The following ABTB3 variants were observed in gnomAD, a reference collection of about 807,000 sequenced individuals.
ABTB3 encodes ankyrin repeat and BTB domain containing 3, also known as ankyrin repeat- and BTB/POZ domain-containing protein 3.
the ABTB3 span, among the ~76,000 whole-genome samples, chr12:107,428,311 A>G: frequency 6.6e-6 from 1 of 152,260 alleles, no homozygotes; most frequent in African/African-American, 2.4e-5. Context: ...GCACCATAAC[A>G]TATGCTGCCA....
the ABTB3 span, among the ~76,000 whole-genome samples, chr12:107,558,630 C>T: frequency 3.9e-5 from 6 of 152,116 alleles, no homozygotes; most frequent in South Asian, 6.2e-4. Flanking sequence ...CCACCTCTCC[C>T]GTGAAAGATT....
chr12:107,454,443 G>A, the ABTB3 span, among the ~76,000 whole-genome samples: 6 of 152,306 alleles, frequency 3.9e-5, no homozygotes, highest in East Asian at 1.2e-3. Flanking sequence ...AGGGTTAGGG[G>A]GGTTCATCCA....
the ABTB3 span, among the ~76,000 whole-genome samples, chr12:107,496,669 C>A: frequency 6.6e-6 from 1 of 152,166 alleles, no homozygotes; most frequent in Non-Finnish European, 1.5e-5. Flanking sequence ...GCATCTACTG[C>A]GTGTCAGGCA....
At chr12:107,595,166 T>C in the ABTB3 span, among the ~76,000 whole-genome samples, 1 of 152,240 alleles carries the variant, frequency 6.6e-6, no homozygotes, top group African/African-American at 2.4e-5. Context: ...AATATGACTG[T>C]GACTCAGACA....
the ABTB3 span, among the ~76,000 whole-genome samples, chr12:107,350,658 T>TA: frequency 1.3e-5 from 2 of 152,232 alleles, no homozygotes; most frequent in East Asian, 1.9e-4. Flanking sequence ...GGCTTCACAC[T>TA]AAAAAATTTC....
the ABTB3 span, among the ~76,000 whole-genome samples, chr12:107,535,653 G>A: frequency 1.3e-5 from 2 of 151,948 alleles, no homozygotes; most frequent in African/African-American, 2.4e-5. Context: ...AACCAAGAAA[G>A]CAATCCCATT....
At chr12:107,544,249 C>A in the ABTB3 span, 1 of 1,211,760 alleles carries the variant, frequency 8.3e-7, no homozygotes. Flanking sequence ...CTTCCTAAAA[C>A]TTGCCAGAGT....
At chr12:107,477,243 C>T in the ABTB3 span, among the ~76,000 whole-genome samples, 2 of 152,274 alleles carry the variant, frequency 1.3e-5, no homozygotes, top group East Asian at 1.9e-4. Context: ...CCTGCTGTTG[C>T]CTGTAGCATG....
At chr12:107,539,602 G>A in the ABTB3 span, among the ~76,000 whole-genome samples, 2 of 152,190 alleles carry the variant, frequency 1.3e-5, no homozygotes, top group Non-Finnish European at 2.9e-5. Context: ...GGTGCTCAGC[G>A]TTCAGAATGC....
At chr12:107,511,643 C>T in the ABTB3 span, among the ~76,000 whole-genome samples, 2 of 152,212 alleles carry the variant, frequency 1.3e-5, no homozygotes, top group Non-Finnish European at 2.9e-5. Context: ...GGCACCCTAA[C>T]ATTCCCATCA....
At chr12:107,484,370 A>AAC in the ABTB3 span, among the ~76,000 whole-genome samples, 1 of 152,122 alleles carries the variant, frequency 6.6e-6, no homozygotes, top group Non-Finnish European at 1.5e-5. Context: ...AGGCAGAGGG[A>AAC]TGAGTAGGTG....
the ABTB3 span, among the ~76,000 whole-genome samples, chr12:107,340,294 A>C: frequency 6.6e-6 from 1 of 152,214 alleles, no homozygotes; most frequent in African/African-American, 2.4e-5. Flanking sequence ...TGCTTTTGAC[A>C]TAAAGAAACC....
At chr12:107,403,054 G>A in the ABTB3 span, among the ~76,000 whole-genome samples, 1 of 152,156 alleles carries the variant, frequency 6.6e-6, no homozygotes, top group Non-Finnish European at 1.5e-5. Context: ...TGTGGAGAGG[G>A]CTCCCACAGG....
At chr12:107,557,273 T>A in the ABTB3 span, among the ~76,000 whole-genome samples, 1 of 152,156 alleles carries the variant, frequency 6.6e-6, no homozygotes, top group African/African-American at 2.4e-5. Context: ...GCTACAAACC[T>A]GTCTAGCATG....
the ABTB3 span, among the ~76,000 whole-genome samples, chr12:107,495,577 C>T: frequency 6.6e-6 from 1 of 152,244 alleles, no homozygotes; most frequent in Admixed American, 6.5e-5. Context: ...CTGGCTGCCT[C>T]CTTCCATGCC....
chr12:107,587,701 AT>A, the ABTB3 span, among the ~76,000 whole-genome samples: 3 of 152,238 alleles, frequency 2.0e-5, no homozygotes, highest in African/African-American at 2.4e-5. Flanking sequence ...AAATAAAAAA[AT>A]AATCCATACA....
chr12:107,631,919 C>T, the ABTB3 span, among the ~76,000 whole-genome samples: 2 of 152,130 alleles, frequency 1.3e-5, no homozygotes, highest in South Asian at 2.1e-4. Flanking sequence ...TTTTCCATAC[C>T]GTCCTCTTTG....
At chr12:107,543,852 G>A in the ABTB3 span, 1 of 1,298,206 alleles carries the variant, frequency 7.7e-7, no homozygotes, top group Non-Finnish European at 1.1e-6. Flanking sequence ...GCAAGGACCA[G>A]GGTCTCCACA....
the ABTB3 span, among the ~76,000 whole-genome samples, chr12:107,408,134 T>TGTGC: frequency 6.6e-6 from 1 of 152,112 alleles, no homozygotes; most frequent in South Asian, 2.1e-4. Flanking sequence ...GCTAAAAATG[T>TGTGC]GTGCGGCTTT....
Sources: gnomAD v4.1 joint callset for allele counts (sites outside exome capture counted in the v4.1 genomes callset) on GRCh38, gnomAD v4.1.1 for gene constraint, MANE v1.5 for transcripts, NCBI Gene and HGNC (gene_info 2026-07-23, HGNC 2026-07-21) for gene names.